WIF1: variants seen among roughly 807,000 people sequenced by gnomAD.
WIF1 encodes the protein Wnt inhibitory factor 1.
In WIF1, 35 loss-of-function variants were observed where a neutral mutation model predicts 53.5. That is an observed-to-expected ratio of 0.65 (90% CI 0.50 to 0.87). The LOEUF (loss-of-function observed/expected upper bound fraction) is 0.87, where lower values mean the gene tolerates loss of function less well. WIF1 is among the 40% of genes least tolerant of loss of function. WIF1 has a pLI of 0.00. For missense variants in WIF1, 467 were observed against 476.8 expected, an observed-to-expected ratio of 0.98 and a Z score of 0.19; for synonymous variants, 171 against 170.4, an observed-to-expected ratio of 1.00 and a Z score of -0.03.
At chr12:65,092,500 ATATGTGTG>A (rs1225205826) in intron 2 of WIF1, among the ~76,000 whole-genome samples, 4 of 23,368 alleles carry the variant, frequency 1.7e-4, no homozygotes, top group African/African-American at 4.7e-4. Context: ...GTGTGTATAT[ATATGTGTG>A]TATATATATA....
intron 6 of WIF1, among the ~76,000 whole-genome samples, chr12:65,065,363 T>G (rs549399617): frequency 5.9e-4 from 90 of 152,216 alleles, no homozygotes; most frequent in African/African-American, 1.9e-3. Flanking sequence ...CATGGTACAG[T>G]GCAGGATATG....
chr12:65,116,898 A>C (rs1883519545), intron 2 of WIF1, among the ~76,000 whole-genome samples: 1 of 120,982 alleles, frequency 8.3e-6, no homozygotes, highest in African/African-American at 3.2e-5. Flanking sequence ...ACCCCACTAC[A>C]CTCCAGCCTG....
intron 2 of WIF1, among the ~76,000 whole-genome samples, chr12:65,085,539 A>T (rs1242444748): frequency 6.6e-6 from 1 of 152,202 alleles, no homozygotes; most frequent in Non-Finnish European, 1.5e-5. Flanking sequence ...TTTTGAAACT[A>T]GCTCTTAGAA....
At chr12:65,085,632 A>G (rs899114274) in intron 2 of WIF1, among the ~76,000 whole-genome samples, 2 of 152,252 alleles carry the variant, frequency 1.3e-5, no homozygotes, top group African/African-American at 4.8e-5. Context: ...TAAACAGGCG[A>G]TAGAAGAAAC....
At chr12:65,113,464 AG>A (rs1378846470) in intron 2 of WIF1, among the ~76,000 whole-genome samples, 1 of 152,168 alleles carries the variant, frequency 6.6e-6, no homozygotes, top group Non-Finnish European at 1.5e-5. Flanking sequence ...GTGCCAGCAG[AG>A]GGTTTGTTTA....
chr12:65,098,238 A>C (rs940783711), intron 2 of WIF1, among the ~76,000 whole-genome samples: 2 of 152,176 alleles, frequency 1.3e-5, no homozygotes, highest in African/African-American at 4.8e-5. Context: ...AACACTTTTC[A>C]ACTCTGTTTG....
At chr12:65,072,666 T>C (rs549581957) in intron 3 of WIF1, among the ~76,000 whole-genome samples, 11 of 151,910 alleles carry the variant, frequency 7.2e-5, no homozygotes, top group Non-Finnish European at 1.5e-4. Flanking sequence ...CAGTAGGAGA[T>C]GTAGAGAATA....
chr12:65,103,937 T>C (rs1469048339), intron 2 of WIF1, among the ~76,000 whole-genome samples: 1 of 151,550 alleles, frequency 6.6e-6, no homozygotes, highest in Non-Finnish European at 1.5e-5. Flanking sequence ...CAGTGGTGCA[T>C]ACCTCTGGTC....
chr12:65,055,989 C>T (rs778133441), intron 8 of WIF1, 42 bp downstream of exon 8: 52 of 1,573,704 alleles, frequency 3.3e-5, no homozygotes, highest in Middle Eastern at 1.7e-4. Flanking sequence ...GCTAGTTTAA[C>T]GACCTAGTAG....
At chr12:65,077,897 G>T in intron 2 of WIF1, 43 bp from the exon 3 acceptor site, 2 of 1,454,488 alleles carry the variant, frequency 1.4e-6, no homozygotes, top group African/African-American at 1.4e-5. Context: ...GGAAACCAGA[G>T]AGGGAGAAGG....
chr12:65,054,992 A>T (rs950784992), intron 9 of WIF1, 126 bp downstream of exon 9: 2 of 909,244 alleles, frequency 2.2e-6, no homozygotes, highest in Non-Finnish European at 3.3e-6. Flanking sequence ...GGGCTGAGTT[A>T]TAGGTTGACT....
intron 2 of WIF1, among the ~76,000 whole-genome samples, chr12:65,116,136 T>C (rs1183198505): frequency 6.6e-6 from 1 of 152,202 alleles, no homozygotes; most frequent in Non-Finnish European, 1.5e-5. Context: ...CAGATGTTAA[T>C]TTTTTCTATA....
At chr12:65,072,899 AG>A (rs1228322979) in intron 3 of WIF1, among the ~76,000 whole-genome samples, 1 of 152,218 alleles carries the variant, frequency 6.6e-6, no homozygotes, top group Admixed American at 6.6e-5. Flanking sequence ...AATCTAAACG[AG>A]GTGAATTAAA....
Position 65,066,690 on chromosome 12 carries a change from A to G in WIF1, c.681T>C (p.Pro227=). Residue 227 remains proline, a synonymous_variant, in exon 6 of 10, where the codon CCT becomes CCC. Transcript: ENST00000286574. The part of the protein sequence containing the change: ...RCMNGGLCVT[P]GFCICPPGFY... ...ATCCAGGTGGGCAGATGCAGAAACC[A>G]GGAGTCACACAAAGTCCACCATTCA... The G allele has an allele frequency of 6.2e-7, 1 of 1,611,282 alleles. No individual in the cohort carries two copies. The highest frequency in any genetic ancestry group is 8.5e-7 in the Non-Finnish European group (1 of 1,178,434).
intron 2 of WIF1, among the ~76,000 whole-genome samples, chr12:65,119,651 G>A (rs1053874465): frequency 4.6e-5 from 7 of 152,102 alleles, no homozygotes; most frequent in Non-Finnish European, 1.0e-4. Flanking sequence ...GCTGAAGAAT[G>A]CATTGCTTAC....
At chr12:65,070,324 GA>G (rs1395659925) in intron 3 of WIF1, among the ~76,000 whole-genome samples, 1 of 151,936 alleles carries the variant, frequency 6.6e-6, no homozygotes, top group Non-Finnish European at 1.5e-5. Context: ...TATTTTAACA[GA>G]AATAAAAAGA....
At chr12:65,074,182 T>A (rs540616379) in intron 3 of WIF1, among the ~76,000 whole-genome samples, 6 of 152,046 alleles carry the variant, frequency 3.9e-5, no homozygotes, top group South Asian at 2.1e-4. Flanking sequence ...TTTTTTATTT[T>A]TTTATTTTTT....
intron 2 of WIF1, among the ~76,000 whole-genome samples, chr12:65,116,622 C>G (rs904618912): frequency 6.6e-6 from 1 of 151,182 alleles, no homozygotes; most frequent in Non-Finnish European, 1.5e-5. Flanking sequence ...CTGAAACCAT[C>G]CCCCATCCTG....
chr12:65,094,634 C>T (rs1466743522), intron 2 of WIF1, among the ~76,000 whole-genome samples: 1 of 152,088 alleles, frequency 6.6e-6, no homozygotes, highest in East Asian at 1.9e-4. Context: ...ATTGAAGGAG[C>T]ACTTAATGAC....
Sources: allele counts gnomAD v4.1 joint callset (sites outside exome capture counted in the v4.1 genomes callset), GRCh38; gene constraint gnomAD v4.1.1; transcripts MANE v1.5; gene names NCBI Gene and HGNC (gene_info 2026-07-23, HGNC 2026-07-21).